NTM: variants seen among roughly 807,000 people sequenced by gnomAD.
NTM encodes the protein IgLON family member 2.
A neutral mutation model predicts 42.1 loss-of-function variants in NTM; 13 were observed. The ratio of observed to expected loss-of-function variants is 0.31; its 90% CI spans 0.20 to 0.49. The LOEUF (loss-of-function observed/expected upper bound fraction) is 0.49, where lower values mean the gene tolerates loss of function less well. Among genes scored for constraint, NTM ranks in the 20% least tolerant of loss-of-function variants. The probability of loss-of-function intolerance (pLI) is 0.99; values close to 1 mark genes in which losing one functional copy is unlikely to be tolerated. For synonymous variants in NTM, 187 were observed against 179.2 expected (o/e 1.04, Z -0.35); for missense variants, 373 against 452.8 (o/e 0.82, Z 1.60).
At chr11:131,974,550 C>T (rs976892069) in intron 2 of NTM, among the ~76,000 whole-genome samples, 7 of 152,096 alleles carry the variant, frequency 4.6e-5, no homozygotes, top group South Asian at 2.1e-4. Flanking sequence ...CATAGCATAA[C>T]GTCTGAGAGG....
chr11:131,384,161 G>A (rs1943030123), intron 1 of NTM, among the ~76,000 whole-genome samples: 1 of 152,110 alleles, frequency 6.6e-6, no homozygotes, highest in African/African-American at 2.4e-5. Flanking sequence ...GAAACTCTGG[G>A]TATGAAAAAA....
chr11:132,250,393 A>T (rs1037950745), intron 4 of NTM, among the ~76,000 whole-genome samples: 3 of 152,118 alleles, frequency 2.0e-5, no homozygotes, highest in African/African-American at 7.2e-5. Context: ...ATTTGTTAGT[A>T]TTCTGGAATC....
chr11:132,096,888 G>T (rs917457759), intron 2 of NTM, among the ~76,000 whole-genome samples: 4 of 152,204 alleles, frequency 2.6e-5, no homozygotes, highest in African/African-American at 9.6e-5. Flanking sequence ...AGGAGGCTAT[G>T]CTGGCCCTGG....
chr11:131,771,798 T>C (rs2086141028), intron 1 of NTM, among the ~76,000 whole-genome samples: 1 of 152,194 alleles, frequency 6.6e-6, no homozygotes, highest in Non-Finnish European at 1.5e-5. Flanking sequence ...TTCTCTTTGA[T>C]TTAAAATGAT....
chr11:131,513,926 C>G (rs1047027057), intron 1 of NTM, among the ~76,000 whole-genome samples: 2 of 152,080 alleles, frequency 1.3e-5, no homozygotes, highest in East Asian at 3.9e-4. Context: ...ATGTCCCTTC[C>G]CAGCAGACCC....
chr11:131,434,047 GTTTGGTTT>G (rs1948915924), intron 1 of NTM, among the ~76,000 whole-genome samples: 2 of 152,092 alleles, frequency 1.3e-5, no homozygotes. Context: ...AACATGCGGT[GTTTGGTTT>G]TCTGTCCTTG....
chr11:131,829,629 T>C lies in NTM; in HGVS notation c.83-81935T>C, dbSNP rs541329275. Among the ~76,000 whole-genome samples the C allele has an allele frequency of 2.6e-5, 4 of 152,314 alleles. No individual in the cohort carries two copies. The East Asian group carries it at 7.7e-4, about 29-fold the overall frequency. On this transcript the variant is annotated intron_variant, in intron 1 of 8. Transcript: ENST00000683400. ...GATCCTATGTCTTTGCTATTGTGAA[T>C]AGTGCTGCAAGAAATATATGTGTGA...
At chr11:131,545,783 TGTC>T (rs751191819) in intron 1 of NTM, among the ~76,000 whole-genome samples, 65 of 152,096 alleles carry the variant, frequency 4.3e-4, no homozygotes, top group Admixed American at 7.9e-4. Context: ...GAGTTGAAGG[TGTC>T]GTCAAGTAGA....
chr11:131,450,587 C>A (rs990560531), intron 1 of NTM, among the ~76,000 whole-genome samples: 1 of 152,198 alleles, frequency 6.6e-6, no homozygotes, highest in East Asian at 1.9e-4. Flanking sequence ...GCCCTTGGTG[C>A]CTTCACACTC....
intron 2 of NTM, among the ~76,000 whole-genome samples, chr11:131,996,601 A>G (rs2068078059): frequency 1.3e-5 from 2 of 151,920 alleles, no homozygotes; most frequent in Non-Finnish European, 1.5e-5. Flanking sequence ...TCCACTTTAC[A>G]GTTGAGGAAG....
chr11:131,668,473 G>C (rs1377652787), intron 1 of NTM, among the ~76,000 whole-genome samples: 6 of 152,150 alleles, frequency 3.9e-5, no homozygotes, highest in Non-Finnish European at 7.4e-5. Flanking sequence ...GCTTTGAGTG[G>C]AGAAAGGACA....
At chr11:132,291,219 A>T (rs1403016433) in intron 4 of NTM, among the ~76,000 whole-genome samples, 1 of 152,224 alleles carries the variant, frequency 6.6e-6, no homozygotes, top group Non-Finnish European at 1.5e-5. Flanking sequence ...GTATCAGGTG[A>T]TAGAAGTGTC....
rs553645313 is a variant in NTM, at chr11:132,020,186, C to T, written c.167+108538C>T. ...TGATTGCCTTCCTTTTTTATGGCTG[C>T]GTAGTATTCCATGGTTTATATGTAC... On this transcript the variant is annotated intron_variant, in intron 2 of 8. Coordinates refer to ENST00000683400, the MANE Select transcript of NTM (RefSeq NM_001352005.2). Among the ~76,000 whole-genome samples, 68 of 152,176 alleles carry T rather than the reference C, an allele frequency of 4.5e-4. No homozygotes were observed. In the East Asian group the frequency reaches 5.2e-3, roughly 12 times the overall value.
chr11:131,405,650 T>C (rs996424960), intron 1 of NTM, among the ~76,000 whole-genome samples: 1 of 152,186 alleles, frequency 6.6e-6, no homozygotes, highest in Non-Finnish European at 1.5e-5. Context: ...CTTTATCTCA[T>C]GCCTCCTACA....
At chr11:132,139,606 C>T (rs1158215970) in intron 2 of NTM, among the ~76,000 whole-genome samples, 2 of 152,120 alleles carry the variant, frequency 1.3e-5, no homozygotes, top group East Asian at 3.9e-4. Flanking sequence ...CTTGATTTAT[C>T]CCTAGGACAT....
At chr11:132,267,325 G>A (rs2093242074) in intron 4 of NTM, among the ~76,000 whole-genome samples, 1 of 152,118 alleles carries the variant, frequency 6.6e-6, no homozygotes, top group African/African-American at 2.4e-5. Context: ...CGGAAGACAT[G>A]CTATCATTTA....
At chr11:131,845,615 A>AT (rs2044805803) in intron 1 of NTM, among the ~76,000 whole-genome samples, 1 of 151,664 alleles carries the variant, frequency 6.6e-6, no homozygotes, top group Admixed American at 6.6e-5. Flanking sequence ...ATCCATTCAC[A>AT]TTATCTAGTA....
At chr11:132,056,250 G>A (rs2079631995) in intron 2 of NTM, among the ~76,000 whole-genome samples, 1 of 152,206 alleles carries the variant, frequency 6.6e-6, no homozygotes, top group Non-Finnish European at 1.5e-5. Flanking sequence ...GAGAGAAGGA[G>A]GGTGAAGGGA....
chr11:132,164,583 A>G (rs2074963184), intron 3 of NTM, among the ~76,000 whole-genome samples: 1 of 151,946 alleles, frequency 6.6e-6, no homozygotes, highest in Non-Finnish European at 1.5e-5. Flanking sequence ...CTCGGTGACG[A>G]TGGCTGATGG....
Sources: gnomAD v4.1 joint callset for allele counts (sites outside exome capture counted in the v4.1 genomes callset) on GRCh38, gnomAD v4.1.1 for gene constraint, MANE v1.5 for transcripts, NCBI Gene and HGNC (gene_info 2026-07-23, HGNC 2026-07-21) for gene names.